Variants in LRRTM4 observed in about 807,000 individuals in gnomAD.
The protein encoded by LRRTM4 is leucine-rich repeat transmembrane neuronal protein 4.
In LRRTM4, 25 loss-of-function variants were observed where a neutral mutation model predicts 47.6. That is an observed-to-expected ratio of 0.53 (90% CI 0.38 to 0.73). LRRTM4 has a LOEUF of 0.73. Ranked by LOEUF, LRRTM4 falls within the 30% of genes least tolerant of loss-of-function variation. The pLI, the probability that LRRTM4 is intolerant of heterozygous loss-of-function variation, is 0.00. For synonymous variants in LRRTM4, 311 were observed against 269.5 expected, an observed-to-expected ratio of 1.15 and a Z score of -1.51; for missense variants, 638 against 713.4, an observed-to-expected ratio of 0.89 and a Z score of 1.20.
intron 3 of LRRTM4, among the ~76,000 whole-genome samples, chr2:77,176,814 A>T (rs1673209411): frequency 6.6e-6 from 1 of 152,112 alleles, no homozygotes; most frequent in Non-Finnish European, 1.5e-5. Context: ...AATCGCTAAG[A>T]CCCCACTGGT....
chr2:77,095,032 AG>A (rs1232692139), intron 3 of LRRTM4, among the ~76,000 whole-genome samples: 1 of 152,220 alleles, frequency 6.6e-6, no homozygotes, highest in African/African-American at 2.4e-5. Context: ...AAAACTGATA[AG>A]AGGCTAGTAT....
At chr2:77,146,288 G>C (rs919274510) in intron 3 of LRRTM4, among the ~76,000 whole-genome samples, 1 of 151,990 alleles carries the variant, frequency 6.6e-6, no homozygotes, top group African/African-American at 2.4e-5. Flanking sequence ...TTTTAACAAG[G>C]CTATTTACAA....
chr2:76,897,152 T>A (rs985845671), intron 3 of LRRTM4, among the ~76,000 whole-genome samples: 1 of 152,116 alleles, frequency 6.6e-6, no homozygotes, highest in Non-Finnish European at 1.5e-5. Context: ...GAACTTGTGA[T>A]GACAAGGCAA....
intron 3 of LRRTM4, among the ~76,000 whole-genome samples, chr2:77,255,354 T>G (rs1331231951): frequency 6.6e-6 from 1 of 151,962 alleles, no homozygotes; most frequent in African/African-American, 2.4e-5. Context: ...CAAGCAGTGA[T>G]AAACAACTAG....
At chr2:77,055,487 G>A (rs1435882453) in intron 3 of LRRTM4, among the ~76,000 whole-genome samples, 2 of 152,164 alleles carry the variant, frequency 1.3e-5, no homozygotes. Flanking sequence ...AAACCACCAT[G>A]AGATACCATC....
intron 3 of LRRTM4, among the ~76,000 whole-genome samples, chr2:77,036,639 G>C (rs1008833156): frequency 6.6e-6 from 1 of 151,574 alleles, no homozygotes; most frequent in African/African-American, 2.4e-5. Context: ...GTGGAATATT[G>C]ATGCTATTTC....
At chr2:77,298,234 T>TTTTTG (rs1231742975) in intron 3 of LRRTM4, among the ~76,000 whole-genome samples, 2 of 152,086 alleles carry the variant, frequency 1.3e-5, no homozygotes, top group South Asian at 2.1e-4. Context: ...TAAAGGAACT[T>TTTTTG]TTTTGTTTTG....
chr2:76,749,602 T>C (rs2104047431), intron 3 of LRRTM4, among the ~76,000 whole-genome samples: 1 of 152,286 alleles, frequency 6.6e-6, no homozygotes, highest in South Asian at 2.1e-4. Flanking sequence ...GTAATGTTAT[T>C]ATTGGTTTTC....
chr2:76,976,649 T>C (rs1676427035), intron 3 of LRRTM4, among the ~76,000 whole-genome samples: 1 of 151,782 alleles, frequency 6.6e-6, no homozygotes, highest in African/African-American at 2.4e-5. Flanking sequence ...TCTGATTTCA[T>C]CCATTTCTAT....
chr2:76,905,859 T>A (rs1673815753), intron 3 of LRRTM4, among the ~76,000 whole-genome samples: 1 of 152,000 alleles, frequency 6.6e-6, no homozygotes, highest in South Asian at 2.1e-4. Context: ...AAAGACCAAA[T>A]CTACATCTGA....
chr2:77,427,722 G>A (rs1243614282), intron 3 of LRRTM4, among the ~76,000 whole-genome samples: 2 of 152,148 alleles, frequency 1.3e-5, no homozygotes, highest in Admixed American at 6.5e-5. Context: ...TGTGGGATTT[G>A]GGGACATACA....
rs367583554 is a variant in LRRTM4 at position 77,103,647 on chromosome 2, G to GTATATATA, written c.1552-354739_1552-354732dup. On this transcript the variant is annotated intron_variant, in intron 3 of 3. Transcript: ENST00000409884. ...TCAGGAGAGTGTTATATACATGAGT[G>GTATATATA]TATATATATATATATAGATATATAT... Among the ~76,000 whole-genome samples, 1,082 of 124,058 alleles carry GTATATATA rather than the reference G, an allele frequency of 8.7e-3. 13 individuals are homozygous for GTATATATA. The highest frequency in any genetic ancestry group is 0.029 in the African/African-American group (873 of 29,910). 81.4% of individuals were successfully genotyped at this position (124,058 alleles called of 152,430 possible).
At chr2:76,997,054 T>C (rs575339347) in intron 3 of LRRTM4, among the ~76,000 whole-genome samples, 13 of 152,282 alleles carry the variant, frequency 8.5e-5, no homozygotes, top group African/African-American at 2.6e-4. Context: ...TGAGTATTTA[T>C]GCAGAGCTAG....
At chr2:77,084,298 A>G (rs144580303) in intron 3 of LRRTM4, among the ~76,000 whole-genome samples, 271 of 152,286 alleles carry the variant, frequency 1.8e-3, no homozygotes, top group African/African-American at 6.4e-3. Flanking sequence ...GCTAGTTGCA[A>G]CCATCTTGAA....
At chr2:76,758,657 T>C (rs903327999) in intron 3 of LRRTM4, among the ~76,000 whole-genome samples, 1 of 152,182 alleles carries the variant, frequency 6.6e-6, no homozygotes, top group African/African-American at 2.4e-5. Flanking sequence ...AAATAAAATG[T>C]GTAAAGGTCT....
chr2:76,981,881 A>G (rs568105106), intron 3 of LRRTM4, among the ~76,000 whole-genome samples: 2 of 152,152 alleles, frequency 1.3e-5, no homozygotes, highest in East Asian at 3.9e-4. Context: ...TTTAAACATT[A>G]GATAAAGAGT....
chr2:76,904,878 T>C lies in LRRTM4; in HGVS notation c.1552-155962A>G, dbSNP rs1032659134. ...CAAAAGTGTTTTGAAAAGGCATCAT[T>C]CTTGGGGGAGGAGCCAAGATGGCCA... On this transcript the variant is annotated intron_variant, in intron 3 of 3. Coordinates refer to ENST00000409884, the MANE Select transcript of LRRTM4 (RefSeq NM_001134745.3). Among the ~76,000 whole-genome samples the C allele has an allele frequency of 6.6e-5, 10 of 152,204 alleles. 1 individual carries two copies. The highest frequency in any genetic ancestry group is 2.4e-4 in the African/African-American group (10 of 41,454).
At chr2:76,881,721 C>T (rs72821242) in intron 3 of LRRTM4, among the ~76,000 whole-genome samples, 20,013 of 152,010 alleles carry the variant, frequency 0.13, 1,697 homozygotes, top group Admixed American at 0.21. Flanking sequence ...GTACCAAACT[C>T]TTCCTGTTAT....
intron 3 of LRRTM4, among the ~76,000 whole-genome samples, chr2:77,089,877 T>C (rs1314756943): frequency 6.6e-6 from 1 of 152,162 alleles, no homozygotes; most frequent in African/African-American, 2.4e-5. Context: ...CTGAGGTGCC[T>C]GATGTCCAGG....
Sources: gnomAD v4.1 joint callset for allele counts (sites outside exome capture counted in the v4.1 genomes callset) on GRCh38, gnomAD v4.1.1 for gene constraint, MANE v1.5 for transcripts, NCBI Gene and HGNC (gene_info 2026-07-23, HGNC 2026-07-21) for gene names.